Variants in SLC68A1 observed in about 807,000 individuals in gnomAD.
The protein encoded by SLC68A1 is solute carrier family 68 member 1.
At chr10:102,472,631 C>T in the SLC68A1 span, among the ~76,000 whole-genome samples, 1 of 152,112 alleles carries the variant, frequency 6.6e-6, no homozygotes, top group South Asian at 2.1e-4. Context: ...ACTATTTTGC[C>T]GTGGCTTCTA....
chr10:102,475,434 C>T, the SLC68A1 span, among the ~76,000 whole-genome samples: 1,367 of 152,074 alleles, frequency 9.0e-3, 19 homozygotes, highest in African/African-American at 0.031. Context: ...AGGTGGGATA[C>T]GTTTTGGAGT....
the SLC68A1 span, chr10:102,473,476 A>T: frequency 8.0e-7 from 1 of 1,249,452 alleles, no homozygotes; most frequent in Non-Finnish European, 1.1e-6. Flanking sequence ...GTGCATCGCT[A>T]GTGTACAGGA....
chr10:102,470,258 A>G, the SLC68A1 span, among the ~76,000 whole-genome samples: 31 of 152,198 alleles, frequency 2.0e-4, no homozygotes, highest in Non-Finnish European at 4.1e-4. Flanking sequence ...CCTTGGACGT[A>G]CACTTGCCTG....
the SLC68A1 span, among the ~76,000 whole-genome samples, chr10:102,462,990 C>CA: frequency 6.6e-6 from 1 of 152,168 alleles, no homozygotes; most frequent in Non-Finnish European, 1.5e-5. Context: ...AGGAGGGGCA[C>CA]AGTGGGGTCT....
the SLC68A1 span, chr10:102,469,003 C>T: frequency 6.3e-7 from 1 of 1,598,580 alleles, no homozygotes; most frequent in South Asian, 1.1e-5. Flanking sequence ...CCCCGGTGCT[C>T]CTGGGGCTAA....
chr10:102,476,075 G>GTTTTTTT, the SLC68A1 span: 2 of 1,112,656 alleles, frequency 1.8e-6, no homozygotes, highest in Non-Finnish European at 2.2e-6. Flanking sequence ...GGATTTCATA[G>GTTTTTTT]TTTTTTTTTT....
At chr10:102,469,401 C>A in the SLC68A1 span, among the ~76,000 whole-genome samples, 7 of 152,232 alleles carry the variant, frequency 4.6e-5, no homozygotes, top group Admixed American at 2.0e-4. Flanking sequence ...GCTTTCCTGG[C>A]CACTGTCTTA....
chr10:102,473,827 T>C, the SLC68A1 span: 3 of 1,610,462 alleles, frequency 1.9e-6, no homozygotes, highest in Non-Finnish European at 2.5e-6. Context: ...AGCAACCGCG[T>C]CTTCACTGAG....
the SLC68A1 span, among the ~76,000 whole-genome samples, chr10:102,463,761 C>T: frequency 3.9e-5 from 6 of 152,056 alleles, no homozygotes; most frequent in African/African-American, 1.5e-4. Flanking sequence ...ATGTACAGAA[C>T]GTGAATGCAG....
At chr10:102,471,701 G>A in the SLC68A1 span, among the ~76,000 whole-genome samples, 1 of 151,868 alleles carries the variant, frequency 6.6e-6, no homozygotes, top group Admixed American at 6.6e-5. Flanking sequence ...GGAGGTTGCA[G>A]TGAGCTAAGA....
the SLC68A1 span, among the ~76,000 whole-genome samples, chr10:102,466,770 G>T: frequency 6.6e-6 from 1 of 152,344 alleles, no homozygotes; most frequent in African/African-American, 2.4e-5. Flanking sequence ...GGGCATCTGG[G>T]TAGGCGGGGG....
At chr10:102,473,147 C>T in the SLC68A1 span, among the ~76,000 whole-genome samples, 1 of 152,070 alleles carries the variant, frequency 6.6e-6, no homozygotes, top group Non-Finnish European at 1.5e-5. Flanking sequence ...TTTTAAGACA[C>T]CAAGTGCTGC....
chr10:102,473,801 T>C, the SLC68A1 span: 1 of 1,607,398 alleles, frequency 6.2e-7, no homozygotes, highest in Non-Finnish European at 8.5e-7. Context: ...TCCTGCCTGC[T>C]CTCTCCCTCT....
chr10:102,470,621 A>C, the SLC68A1 span: 3 of 1,578,898 alleles, frequency 1.9e-6, no homozygotes, highest in Non-Finnish European at 2.6e-6. Context: ...TCAGCCTGCC[A>C]AGTCTGACAC....
chr10:102,469,517 G>T, the SLC68A1 span, among the ~76,000 whole-genome samples: 1 of 151,990 alleles, frequency 6.6e-6, no homozygotes, highest in East Asian at 1.9e-4. Context: ...GAGTTTGAAG[G>T]GGGCAGTGGT....
chr10:102,463,227 C>A, the SLC68A1 span, among the ~76,000 whole-genome samples: 1 of 148,486 alleles, frequency 6.7e-6, no homozygotes. Flanking sequence ...GGCTGGAGTG[C>A]AGTGGCGCGA....
the SLC68A1 span, among the ~76,000 whole-genome samples, chr10:102,465,553 G>A: frequency 2.5e-4 from 38 of 152,284 alleles, 1 homozygote; most frequent in South Asian, 7.7e-3. Flanking sequence ...CTTTGTGGGC[G>A]AGGAGCCTGA....
At chr10:102,467,507 A>T in the SLC68A1 span, among the ~76,000 whole-genome samples, 7 of 152,018 alleles carry the variant, frequency 4.6e-5, no homozygotes, top group Non-Finnish European at 8.8e-5. Context: ...TGTCAATTAG[A>T]CCTGAATAAA....
chr10:102,471,618 T>C, the SLC68A1 span, among the ~76,000 whole-genome samples: 1 of 152,056 alleles, frequency 6.6e-6, no homozygotes, highest in African/African-American at 2.4e-5. Flanking sequence ...CTGGGCGTGG[T>C]GTAATTCCAG....
Sources: gnomAD v4.1 joint callset for allele counts (sites outside exome capture counted in the v4.1 genomes callset) on GRCh38, gnomAD v4.1.1 for gene constraint, MANE v1.5 for transcripts, NCBI Gene and HGNC (gene_info 2026-07-23, HGNC 2026-07-21) for gene names.